The following TRAF3IP2 variants were observed in gnomAD, a reference collection of about 807,000 sequenced individuals.
The protein encoded by TRAF3IP2 is TRAF3 interacting protein 2.
Under a neutral mutation model 57.9 loss-of-function variants are expected in TRAF3IP2, and 35 were observed. The observed-to-expected ratio is 0.60, with a 90% CI of 0.46 to 0.80. TRAF3IP2 has a LOEUF of 0.80. Ranked by LOEUF, TRAF3IP2 falls within the 30% of genes least tolerant of loss-of-function variation. TRAF3IP2 has a pLI of 0.00. For synonymous variants in TRAF3IP2, 251 were observed against 268.9 expected, an observed-to-expected ratio of 0.93 and a Z score of 0.65; for missense variants, 556 against 706.4, an observed-to-expected ratio of 0.79 and a Z score of 2.41.
chr6:111,581,329 A>G (rs554122888), intron 2 of TRAF3IP2, among the ~76,000 whole-genome samples: 18 of 152,322 alleles, frequency 1.2e-4, no homozygotes, highest in Admixed American at 1.0e-3. Context: ...AGTGAGCCAC[A>G]TGGTAGCCCT....
intron 2 of TRAF3IP2, among the ~76,000 whole-genome samples, chr6:111,584,587 A>T (rs937032803): frequency 6.6e-6 from 1 of 151,950 alleles, no homozygotes; most frequent in Non-Finnish European, 1.5e-5. Flanking sequence ...TCTTGAGCCC[A>T]GGAGTTTAAG....
At chr6:111,578,865 C>G (rs1221807931) in intron 3 of TRAF3IP2, among the ~76,000 whole-genome samples, 2 of 152,140 alleles carry the variant, frequency 1.3e-5, no homozygotes, top group African/African-American at 4.8e-5. Context: ...AAAACAGAAT[C>G]TAGTTTTACA....
intron 1 of TRAF3IP2, among the ~76,000 whole-genome samples, chr6:111,596,393 A>T (rs952051686): frequency 2.6e-5 from 4 of 152,106 alleles, no homozygotes; most frequent in African/African-American, 4.8e-5. Flanking sequence ...CCTGGGCTCA[A>T]GTGATCCTCC....
Position 111,555,689 on chromosome 6 carries a change from A to AAGTC in TRAF3IP2, c.*3712_*3715dup, listed in dbSNP as rs375881030. On this transcript the variant is annotated 3_prime_UTR_variant, in exon 9 of 9. Coordinates refer to ENST00000368761, the MANE Select transcript of TRAF3IP2 (RefSeq NM_147686.4). Reference sequence around the variant, plus strand: ...TTTGGGCTAAGAGGTTATTTTTACTAAGTCAGCCCTACCCCACTTCCACCC... The same window carrying AAGTC: ...TTTGGGCTAAGAGGTTATTTTTACTAAGTCAGTCAGCCCTACCCCACTTCCACCC... 1.5e-3 allele frequency among the ~76,000 whole-genome samples: 236 copies of AAGTC among 152,344 alleles called. 2 individuals are homozygous for AAGTC. The highest frequency in any genetic ancestry group is 5.1e-3 in the African/African-American group (212 of 41,592).
At chr6:111,596,052 T>C (rs1796682114) in intron 1 of TRAF3IP2, among the ~76,000 whole-genome samples, 2 of 152,124 alleles carry the variant, frequency 1.3e-5, no homozygotes, top group South Asian at 4.1e-4. Flanking sequence ...GCTTCCTTTC[T>C]CCTTCAGGTC....
intron 8 of TRAF3IP2, among the ~76,000 whole-genome samples, chr6:111,562,186 C>T (rs1795469521): frequency 2.0e-5 from 3 of 152,222 alleles, no homozygotes; most frequent in African/African-American, 7.2e-5. Context: ...CTGGCAGACC[C>T]TTCTGGTGTG....
chr6:111,564,662 G>A (rs916988603), intron 7 of TRAF3IP2, among the ~76,000 whole-genome samples: 5 of 152,110 alleles, frequency 3.3e-5, no homozygotes, highest in Non-Finnish European at 5.9e-5. Flanking sequence ...TGACCTCTTC[G>A]ACCCCTTCTA....
chr6:111,604,179 T>C (rs931653547), intron 1 of TRAF3IP2, among the ~76,000 whole-genome samples: 11 of 152,196 alleles, frequency 7.2e-5, no homozygotes, highest in Non-Finnish European at 1.5e-4. Context: ...TAGGGCCTGT[T>C]TGAACTGTAT....
In TRAF3IP2 at chr6:111,599,066, A is replaced by ATT. The variant is rs1017585005; in HGVS notation, c.-9+6708_-9+6709dup. Reference sequence around the variant, plus strand: ...AGGCATGCACCACCACACCTGGTTAATTTTTTTTTTTTTTTTTTTTTTGTA... The same window carrying ATT: ...AGGCATGCACCACCACACCTGGTTAATTTTTTTTTTTTTTTTTTTTTTTTGTA... On this transcript the variant is annotated intron_variant, in intron 1 of 8. Transcript: ENST00000368761. 8.7e-4 allele frequency among the ~76,000 whole-genome samples: 112 copies of ATT among 129,042 alleles called. 2 individuals are homozygous for ATT. The highest frequency in any genetic ancestry group is 2.2e-3 in the Admixed American group (27 of 12,376). The allele number at this position is 129,042 out of a possible 152,430, so 84.7% of individuals were successfully genotyped here.
intron 4 of TRAF3IP2, among the ~76,000 whole-genome samples, chr6:111,574,456 A>G (rs983336407): frequency 1.3e-5 from 2 of 152,252 alleles, no homozygotes; most frequent in Admixed American, 1.3e-4. Flanking sequence ...CATTTTGGTG[A>G]TATTTCAACA....
Position 111,556,261 on chromosome 6 carries a change from A to C in TRAF3IP2, c.*3144T>G, listed in dbSNP as rs966037915. On this transcript the variant is annotated 3_prime_UTR_variant, in exon 9 of 9. Transcript: ENST00000368761. ...GTACTTTTTGGTTTGTTTTTTTGCT[A>C]CCAGTGCTACCAGCTGTAACACTTT... Among the ~76,000 whole-genome samples the C allele has an allele frequency of 2.0e-5, 3 of 151,886 alleles. No homozygotes were observed. Among genetic ancestry groups the C allele is most frequent in the African/African-American group, 7.3e-5 (3 of 41,328 alleles).
intron 1 of TRAF3IP2, among the ~76,000 whole-genome samples, chr6:111,596,187 A>G (rs917887042): frequency 2.0e-5 from 3 of 152,136 alleles, no homozygotes; most frequent in Non-Finnish European, 4.4e-5. Flanking sequence ...ACTGTCTTAT[A>G]TATTACCCAA....
chr6:111,590,618 G>A (rs1329592648), intron 2 of TRAF3IP2, among the ~76,000 whole-genome samples: 2 of 152,160 alleles, frequency 1.3e-5, no homozygotes, highest in African/African-American at 4.8e-5. Flanking sequence ...CCAAGAGAGA[G>A]AAGAGCCTGG....
At chr6:111,599,290 T>G (rs915618105) in intron 1 of TRAF3IP2, among the ~76,000 whole-genome samples, 2 of 152,128 alleles carry the variant, frequency 1.3e-5, no homozygotes, top group African/African-American at 2.4e-5. Context: ...GATGGGCATC[T>G]TCCCTCAAAT....
rs534378734 is a variant in TRAF3IP2 at position 111,605,224 on chromosome 6, G to C, written c.-9+552C>G. ...GGCTCCGTCCAGCGCCAGGCTGGGA[G>C]GGCTGGAGGGCGGCTGCGGAGAGGG... On this transcript the variant is annotated intron_variant, in intron 1 of 8. Transcript: ENST00000368761. Among the ~76,000 whole-genome samples, 156 of 152,378 alleles carry C rather than the reference G, an allele frequency of 1.0e-3. 1 individual carries two copies. The highest frequency in any genetic ancestry group is 3.5e-3 in the African/African-American group (144 of 41,590).
chr6:111,559,160 G>T lies in TRAF3IP2; in HGVS notation c.*245C>A. 4.4e-6 allele frequency: 2 copies of T among 452,646 alleles called. No homozygotes were observed. Among genetic ancestry groups the T allele is most frequent in the Non-Finnish European group, 7.8e-6 (2 of 255,516 alleles). The allele number at this position is 452,646 out of a possible 1,614,324, so 28.0% of individuals were successfully genotyped here. ...GTCAGGAGGAACATATGGGACACTG[G>T]CACCTGCAATGGTTTTTTTAAAAGC... On this transcript the variant is annotated 3_prime_UTR_variant, in exon 9 of 9. Transcript: ENST00000368761.
intron 1 of TRAF3IP2, among the ~76,000 whole-genome samples, chr6:111,592,516 G>T (rs945058778): frequency 6.6e-6 from 1 of 152,150 alleles, no homozygotes; most frequent in Non-Finnish European, 1.5e-5. Context: ...AAAGCCAGGC[G>T]CAGAGCAGTG....
intron 5 of TRAF3IP2, among the ~76,000 whole-genome samples, chr6:111,569,488 A>C (rs1466759937): frequency 6.6e-6 from 1 of 152,212 alleles, no homozygotes; most frequent in Non-Finnish European, 1.5e-5. Context: ...GTGGTGGCTC[A>C]CGCCTGTAAT....
chr6:111,601,141 G>A (rs1796850086), intron 1 of TRAF3IP2: 1 of 737,858 alleles, frequency 1.4e-6, no homozygotes, highest in Non-Finnish European at 2.6e-6. Flanking sequence ...AGGGGATGGG[G>A]AAGCCACATA....
Sources: gnomAD v4.1 joint callset for allele counts (sites outside exome capture counted in the v4.1 genomes callset) on GRCh38, gnomAD v4.1.1 for gene constraint, MANE v1.5 for transcripts, NCBI Gene and HGNC (gene_info 2026-07-23, HGNC 2026-07-21) for gene names.